Variants in MYO5B observed in about 807,000 individuals in gnomAD.
MYO5B encodes unconventional myosin-Vb.
In MYO5B, 143 loss-of-function variants were observed where a neutral mutation model predicts 229.3. That is an observed-to-expected ratio of 0.62 (90% confidence interval 0.54 to 0.72). MYO5B has a LOEUF of 0.72. Among genes scored for constraint, MYO5B ranks in the 30% least tolerant of loss-of-function variants. The pLI is 0.00. For missense variants in MYO5B, 2,321 were observed against 2,331.0 expected (o/e 1.00, Z 0.09); for synonymous variants, 918 against 885.2 (o/e 1.04, Z -0.66).
At chr18:50,036,739 C>G in intron 4 of MYO5B, 111 bp downstream of exon 4, 2 of 1,274,912 alleles carry the variant, frequency 1.6e-6, no homozygotes, top group Admixed American at 1.8e-5. Context: ...GATGTTTCCT[C>G]AGTCCCAATC....
At chr18:50,042,949 G>C (rs2030065242) in intron 2 of MYO5B, among the ~76,000 whole-genome samples, 1 of 152,128 alleles carries the variant, frequency 6.6e-6, no homozygotes. Context: ...GCCTCCTCTA[G>C]ATTCTCAGAT....
At chr18:50,153,825 G>T (rs2032638119) in intron 1 of MYO5B, among the ~76,000 whole-genome samples, 1 of 152,248 alleles carries the variant, frequency 6.6e-6, no homozygotes, top group Non-Finnish European at 1.5e-5. Flanking sequence ...GAGCGGGGAT[G>T]CGAGTGAGTG....
intron 20 of MYO5B, among the ~76,000 whole-genome samples, chr18:49,904,149 C>T (rs2024873716): frequency 6.6e-6 from 1 of 152,228 alleles, no homozygotes; most frequent in Admixed American, 6.5e-5. Flanking sequence ...AATCTGATCC[C>T]CTATGTTGGA....
intron 17 of MYO5B, among the ~76,000 whole-genome samples, chr18:49,917,960 G>C (rs2025034909): frequency 6.6e-6 from 1 of 152,344 alleles, no homozygotes; most frequent in Admixed American, 6.5e-5. Flanking sequence ...GGAGAGATCA[G>C]AGACAGTAAC....
intron 32 of MYO5B, 139 bp downstream of exon 32, chr18:49,849,428 G>A (rs1179649155): frequency 1.0e-5 from 8 of 773,912 alleles, no homozygotes; most frequent in African/African-American, 5.1e-5. Flanking sequence ...AACTTCTATC[G>A]CCTGGCTGGA....
At chr18:49,864,497 G>A in intron 27 of MYO5B, 117 bp from the exon 28 acceptor site, 6 of 1,414,580 alleles carry the variant, frequency 4.2e-6, no homozygotes, top group Non-Finnish European at 5.8e-6. Context: ...TTTAAACGTT[G>A]ACACACATGG....
Position 49,895,014 on chromosome 18 carries a change from T to G in MYO5B, c.2972A>C (p.Glu991Ala), listed in dbSNP as rs1468349284. 6.2e-7 allele frequency: 1 copy of G among 1,613,840 alleles called. No individual in the cohort carries two copies. Among genetic ancestry groups the G allele is most frequent in the East Asian group, 2.2e-5 (1 of 44,890 alleles). Residue 991 changes from glutamate (E) to alanine (A), a missense_variant, in exon 22 of 40, where the codon GAG (glutamate) becomes GCG (alanine). Transcript: ENST00000285039. ...GCGCTCCGAGTGGGCCCTCTGCAGC[T>G]CTGTGCGCAGGCTCTCCACCTCCTC... ...LQEEVESLRT[E>A]LQRAHSERKI...
At chr18:49,848,748 ATG>A (rs778679994) in intron 32 of MYO5B, among the ~76,000 whole-genome samples, 14 of 152,060 alleles carry the variant, frequency 9.2e-5, no homozygotes, top group African/African-American at 1.2e-4. Flanking sequence ...GACTAGGAGA[ATG>A]AGAAACTGGA....
chr18:49,867,292 T>C (rs749585481), intron 27 of MYO5B, among the ~76,000 whole-genome samples: 11 of 152,094 alleles, frequency 7.2e-5, no homozygotes, highest in African/African-American at 2.2e-4. Flanking sequence ...GGGAAGAAAG[T>C]CTAGATGCTT....
chr18:49,975,001 A>C (rs1019690971), intron 9 of MYO5B, among the ~76,000 whole-genome samples: 1 of 152,188 alleles, frequency 6.6e-6, no homozygotes, highest in African/African-American at 2.4e-5. Context: ...TCCTGGAGTG[A>C]AGGGAGCAGA....
At chr18:50,103,718 G>A (rs73448743) in intron 1 of MYO5B, among the ~76,000 whole-genome samples, 6,485 of 152,150 alleles carry the variant, frequency 0.043, 145 homozygotes, top group African/African-American at 0.053. Context: ...TCCAGCCCAT[G>A]CAACAGAGCA....
At chr18:50,181,448 T>C (rs556462609) in intron 1 of MYO5B, among the ~76,000 whole-genome samples, 13 of 152,192 alleles carry the variant, frequency 8.5e-5, no homozygotes, top group East Asian at 1.9e-4. Flanking sequence ...CAGTCCACAA[T>C]AGCAAGATAG....
rs567617434 is a variant in MYO5B at position 49,897,223 on chromosome 18, C to A, written c.2812-2049G>T. 2.0e-5 allele frequency among the ~76,000 whole-genome samples: 3 copies of A among 152,266 alleles called. No individual in the cohort carries two copies. The East Asian group carries it at 5.8e-4, about 29-fold the overall frequency. ...CTCGTCCTTGCACCTGCAGGTGTCA[C>A]AGCCATGCAGCCAAGCCTGGCAGAG... On this transcript the variant is annotated intron_variant, in intron 21 of 39. Transcript: ENST00000285039.
At chr18:50,193,861 G>A (rs1297874170) in intron 1 of MYO5B, among the ~76,000 whole-genome samples, 2 of 152,240 alleles carry the variant, frequency 1.3e-5, no homozygotes, top group Admixed American at 6.5e-5. Flanking sequence ...GCGCTGCCGC[G>A]AGCTCCCCTG....
intron 22 of MYO5B, among the ~76,000 whole-genome samples, chr18:49,888,465 G>A (rs1290570194): frequency 2.6e-5 from 4 of 152,184 alleles, no homozygotes; most frequent in Non-Finnish European, 2.9e-5. Context: ...AGGCAGCTGA[G>A]GGCCATTCTA....
At chr18:50,022,089 C>T (rs2026281672) in intron 4 of MYO5B, among the ~76,000 whole-genome samples, 1 of 151,660 alleles carries the variant, frequency 6.6e-6, no homozygotes, top group Admixed American at 6.6e-5. Flanking sequence ...CTCTTCCCTC[C>T]CTCCCTCCCC....
Position 50,144,390 on chromosome 18 carries a change from T to TG in MYO5B, c.27+50376dup, listed in dbSNP as rs1474664061. On this transcript the variant is annotated intron_variant, in intron 1 of 39. Coordinates refer to ENST00000285039, the MANE Select transcript of MYO5B (RefSeq NM_001080467.3). ...CAATTGCCTCCCAACCAGGAGGGGT[T>TG]GGTCTGCCTCCTTTTTTTGGTTTGA... Among the ~76,000 whole-genome samples the TG allele has an allele frequency of 2.0e-5, 3 of 152,260 alleles. No homozygotes were observed. In the East Asian group the frequency reaches 5.8e-4, roughly 29 times the overall value.
chr18:49,877,469 C>T (rs2024539208), intron 25 of MYO5B, among the ~76,000 whole-genome samples: 1 of 151,840 alleles, frequency 6.6e-6, no homozygotes, highest in Non-Finnish European at 1.5e-5. Context: ...CCTATTTCAC[C>T]TCTCTGCATC....
chr18:50,160,418 G>A (rs958646215), intron 1 of MYO5B, among the ~76,000 whole-genome samples: 34 of 152,160 alleles, frequency 2.2e-4, no homozygotes, highest in African/African-American at 7.7e-4. Context: ...TCCCTGACTC[G>A]GGGGTTCTGT....
Sources: allele counts gnomAD v4.1 joint callset (sites outside exome capture counted in the v4.1 genomes callset), GRCh38; gene constraint gnomAD v4.1.1; transcripts MANE v1.5; gene names NCBI Gene and HGNC (gene_info 2026-07-23, HGNC 2026-07-21).